Variants in NEDD4 observed in about 807,000 individuals in gnomAD.
The protein encoded by NEDD4 is E3 ubiquitin-protein ligase NEDD4.
In NEDD4, 99 loss-of-function variants were observed where a neutral mutation model predicts 144.9. The ratio of observed to expected loss-of-function variants is 0.68; its 90% CI spans 0.58 to 0.81. The LOEUF (loss-of-function observed/expected upper bound fraction) is 0.81, where lower values mean the gene tolerates loss of function less well. Among genes scored for constraint, NEDD4 ranks in the 30% least tolerant of loss-of-function variants. The pLI is 0.00. For synonymous variants in NEDD4, 318 were observed against 350.6 expected (o/e 0.91, Z 1.04); for missense variants, 985 against 1,065.9 (o/e 0.92, Z 1.06).
intron 5 of NEDD4, among the ~76,000 whole-genome samples, chr15:55,903,052 T>TTC (rs2035961624): frequency 6.6e-6 from 1 of 151,964 alleles, no homozygotes. Flanking sequence ...GAGAAACTGG[T>TTC]TCTCTGGTAA....
At chr15:55,837,549 C>T (rs1289074476) in intron 24 of NEDD4, among the ~76,000 whole-genome samples, 1 of 151,812 alleles carries the variant, frequency 6.6e-6, no homozygotes, top group East Asian at 1.9e-4. Context: ...CTTTTGCTGT[C>T]CTAAAGTGAA....
Position 55,942,988 on chromosome 15 carries a change from C to A in NEDD4, c.237+8388G>T, listed in dbSNP as rs114909729. ...TGAAATAAAGGTCCCTCTTGCTATG[C>A]TTCTACAAAGAGACTGGCAGCATTG... On this transcript the variant is annotated intron_variant, in intron 4 of 28. Coordinates refer to ENST00000435532, the MANE Select transcript of NEDD4 (RefSeq NM_006154.4). Among the ~76,000 whole-genome samples, 1,181 of 152,290 alleles carry A rather than the reference C, an allele frequency of 7.8e-3. 16 individuals carry two copies. The highest frequency in any genetic ancestry group is 0.027 in the African/African-American group (1,128 of 41,544).
chr15:55,902,315 A>C (rs1275943871), intron 5 of NEDD4, among the ~76,000 whole-genome samples: 1 of 152,204 alleles, frequency 6.6e-6, no homozygotes, highest in East Asian at 1.9e-4. Context: ...GAATTTTGTC[A>C]ATACTAAAAT....
At chr15:55,879,434 G>C (rs756702165) in intron 5 of NEDD4, among the ~76,000 whole-genome samples, 10 of 152,142 alleles carry the variant, frequency 6.6e-5, no homozygotes, top group Non-Finnish European at 7.4e-5. Context: ...CCAATAAAAT[G>C]ACTAATTCTC....
chr15:55,981,139 T>C (rs1480409952), intron 1 of NEDD4, among the ~76,000 whole-genome samples: 1 of 151,182 alleles, frequency 6.6e-6, no homozygotes, highest in African/African-American at 2.4e-5. Context: ...ACCTCCCAGG[T>C]TCAAGCAATT....
chr15:55,972,808 C>A (rs1360519817), intron 1 of NEDD4, among the ~76,000 whole-genome samples: 1 of 151,744 alleles, frequency 6.6e-6, no homozygotes, highest in East Asian at 1.9e-4. Flanking sequence ...ATATTCCATG[C>A]CAATGAAAAC....
At chr15:55,917,134 ACT>A in intron 5 of NEDD4, 3 of 1,118,352 alleles carry the variant, frequency 2.7e-6, no homozygotes, top group Non-Finnish European at 3.3e-6. Flanking sequence ...GCTGCAGCAC[ACT>A]GACTCAAACA....
intron 1 of NEDD4, among the ~76,000 whole-genome samples, chr15:55,983,680 C>T (rs1033193854): frequency 1.3e-5 from 2 of 150,528 alleles, no homozygotes; most frequent in Non-Finnish European, 2.9e-5. Context: ...GGCGCAGTCT[C>T]GGTTCACTGC....
At chr15:55,979,979 C>T (rs1293343067) in intron 1 of NEDD4, among the ~76,000 whole-genome samples, 3 of 151,650 alleles carry the variant, frequency 2.0e-5, no homozygotes, top group Non-Finnish European at 2.9e-5. Flanking sequence ...GGCGCAATCT[C>T]GGCTCACTGC....
chr15:55,841,602 T>C (rs2033505526), intron 19 of NEDD4, among the ~76,000 whole-genome samples: 1 of 152,122 alleles, frequency 6.6e-6, no homozygotes. Context: ...CTTTTTTTTT[T>C]AGAGGAGTCT....
Position 55,833,053 on chromosome 15 carries a change from T to G in NEDD4, c.2482A>C (p.Thr828Pro). 1 of 1,613,612 alleles carries G rather than the reference T, an allele frequency of 6.2e-7. No homozygotes were observed. Among genetic ancestry groups the G allele is most frequent in the Non-Finnish European group, 8.5e-7 (1 of 1,179,824 alleles). Residue 828 changes from threonine to proline, a missense_variant, in exon 27 of 29, where the codon ACT (threonine) becomes CCT (proline). By Grantham distance (38) the Thr-to-Pro change is conservative (BLOSUM62 -1). Coordinates refer to ENST00000435532, the MANE Select transcript of NEDD4 (RefSeq NM_006154.4). ...TTCATAGGCACCCGAGATGTGCCAG[T>G]GACAAACTGAAGTAATCTTATTCTT... ...EKRIRLLQFVTGTSRVPMNGF... is the reference protein window; with the variant it reads ...EKRIRLLQFVPGTSRVPMNGF...
At chr15:55,906,747 A>G (rs1186373443) in intron 5 of NEDD4, among the ~76,000 whole-genome samples, 2 of 152,138 alleles carry the variant, frequency 1.3e-5, no homozygotes, top group African/African-American at 2.4e-5. Flanking sequence ...AAATCTGCAC[A>G]TTGTGCACAT....
intron 1 of NEDD4, among the ~76,000 whole-genome samples, chr15:55,977,111 T>C (rs2037716234): frequency 6.6e-6 from 1 of 152,226 alleles, no homozygotes; most frequent in East Asian, 1.9e-4. Context: ...TTTAACCTTC[T>C]TTCTTCTAAA....
At chr15:55,977,239 T>C (rs879789208) in intron 1 of NEDD4, among the ~76,000 whole-genome samples, 3 of 152,208 alleles carry the variant, frequency 2.0e-5, no homozygotes, top group Non-Finnish European at 2.9e-5. Flanking sequence ...AAATACCACA[T>C]TTTTACTTTT....
chr15:55,839,363 C>A (rs2033361055), intron 21 of NEDD4, among the ~76,000 whole-genome samples: 1 of 152,042 alleles, frequency 6.6e-6, no homozygotes, highest in Non-Finnish European at 1.5e-5. Context: ...TATGAGGAGG[C>A]CATTGTTTAT....
intron 5 of NEDD4, among the ~76,000 whole-genome samples, chr15:55,875,783 G>C (rs2142075122): frequency 6.6e-6 from 1 of 152,188 alleles, no homozygotes. Flanking sequence ...AAAATTTCAA[G>C]CAGTCTGACG....
chr15:55,881,593 G>A (rs1271913539), intron 5 of NEDD4, among the ~76,000 whole-genome samples: 1 of 151,942 alleles, frequency 6.6e-6, no homozygotes, highest in East Asian at 1.9e-4. Flanking sequence ...TTGGGTAACT[G>A]AATTATCTAG....
chr15:55,966,249 AATGT>A (rs2037510842), intron 2 of NEDD4, among the ~76,000 whole-genome samples: 1 of 152,224 alleles, frequency 6.6e-6, no homozygotes, highest in African/African-American at 2.4e-5. Context: ...AGAGCTCAAT[AATGT>A]ATCTTGTGAC....
Position 55,966,508 on chromosome 15 carries a change from T to A in NEDD4, c.84A>T (p.Gly28=). ...SRIVRVRVIA[G]IGLAKKDILG... is the part of the protein sequence containing the mutation. ...ATATATCCTTCTTGGCAAGGCCTAT[T>A]CCGGCTATAACTCTTACTCTCACAA... is the stretch of plus-strand genomic sequence containing the variant. The change falls in exon 2 of 29, where the codon GGA becomes GGT. Residue 28 remains glycine, a synonymous_variant. Coordinates refer to ENST00000435532, the MANE Select transcript of NEDD4 (RefSeq NM_006154.4). 1 of 1,537,598 alleles carries A rather than the reference T, an allele frequency of 6.5e-7. No individual in the cohort carries two copies. Among genetic ancestry groups the A allele is most frequent in the South Asian group, 1.2e-5 (1 of 80,098 alleles).
Sources: allele counts gnomAD v4.1 joint callset (sites outside exome capture counted in the v4.1 genomes callset), GRCh38; gene constraint gnomAD v4.1.1; transcripts MANE v1.5; gene names NCBI Gene and HGNC (gene_info 2026-07-23, HGNC 2026-07-21).